The following RIMS2 variants were observed in gnomAD, a reference collection of about 807,000 sequenced individuals.
RIMS2 encodes the protein regulating synaptic membrane exocytosis 2.
A neutral mutation model predicts 174.4 loss-of-function variants in RIMS2; 59 were observed. The observed-to-expected ratio is 0.34, with a 90% CI of 0.27 to 0.42. The LOEUF is 0.42. RIMS2 is among the 10% of genes least tolerant of loss of function. The pLI is 1.00. For missense variants in RIMS2, 1,620 were observed against 1,666.3 expected (o/e 0.97, Z 0.48); for synonymous variants, 606 against 572.5 (o/e 1.06, Z -0.84).
chr8:104,247,220 A>T (rs2099339038), intron 20 of RIMS2, among the ~76,000 whole-genome samples: 2 of 152,314 alleles, frequency 1.3e-5, no homozygotes, highest in South Asian at 4.1e-4. Flanking sequence ...GGCTACCATA[A>T]TAAAATACCA....
rs979235028 is a variant in RIMS2 at position 103,808,824 on chromosome 8, G to A, written c.698+42287G>A. ...ATCCAGGCCAACTAAAATCTTGCCTGGACTATTACATTAGCTTTCTAAATG... is the reference window on the plus strand; with the variant it reads ...ATCCAGGCCAACTAAAATCTTGCCTAGACTATTACATTAGCTTTCTAAATG... On this transcript the variant is annotated intron_variant, in intron 3 of 23. Transcript: ENST00000504942. Among the ~76,000 whole-genome samples the A allele has an allele frequency of 3.3e-5, 5 of 152,064 alleles. No individual in the cohort carries two copies. In the South Asian group the frequency reaches 6.2e-4, roughly 19 times the overall value.
At chr8:104,029,196 GC>G (rs568696771) in intron 19 of RIMS2, among the ~76,000 whole-genome samples, 57 of 152,232 alleles carry the variant, frequency 3.7e-4, no homozygotes, top group African/African-American at 1.3e-3. Context: ...CACTCTCGTT[GC>G]CATCTTGGTT....
intron 3 of RIMS2, among the ~76,000 whole-genome samples, chr8:103,843,995 A>C (rs920090133): frequency 1.3e-5 from 2 of 152,172 alleles, no homozygotes; most frequent in African/African-American, 4.8e-5. Context: ...ATAGCAAATA[A>C]GTCTCACGAG....
At chr8:104,116,289 G>A (rs749523460) in intron 19 of RIMS2, among the ~76,000 whole-genome samples, 3 of 152,068 alleles carry the variant, frequency 2.0e-5, no homozygotes, top group Non-Finnish European at 4.4e-5. Flanking sequence ...TATAAATTGT[G>A]TAGAATACTA....
At chr8:103,849,226 C>G (rs907532217) in intron 3 of RIMS2, among the ~76,000 whole-genome samples, 3 of 152,166 alleles carry the variant, frequency 2.0e-5, no homozygotes, top group Middle Eastern at 6.8e-3. Flanking sequence ...GTGTTCATTT[C>G]TAGTTGGCCA....
intron 17 of RIMS2, among the ~76,000 whole-genome samples, chr8:104,006,405 C>T (rs1379532282): frequency 3.9e-5 from 6 of 151,954 alleles, no homozygotes; most frequent in Non-Finnish European, 7.4e-5. Flanking sequence ...ACAAAATTAG[C>T]CGGGCGTGGT....
intron 1 of RIMS2, among the ~76,000 whole-genome samples, chr8:103,690,576 A>C (rs1346884082): frequency 6.6e-6 from 1 of 152,190 alleles, no homozygotes; most frequent in African/African-American, 2.4e-5. Flanking sequence ...CAAAAACAAA[A>C]CTAATAAAAA....
intron 1 of RIMS2, among the ~76,000 whole-genome samples, chr8:103,682,689 T>G (rs188267447): frequency 6.6e-6 from 1 of 152,292 alleles, no homozygotes; most frequent in South Asian, 2.1e-4. Flanking sequence ...TCTCATTTTA[T>G]AGGCCTGGTA....
intron 1 of RIMS2, among the ~76,000 whole-genome samples, chr8:103,573,652 TC>T (rs2132459498): frequency 6.6e-6 from 1 of 152,278 alleles, no homozygotes; most frequent in East Asian, 1.9e-4. Flanking sequence ...ATGTGATACC[TC>T]CCACTTTGTT....
chr8:104,159,787 G>A (rs532935677), intron 19 of RIMS2, among the ~76,000 whole-genome samples: 1 of 152,110 alleles, frequency 6.6e-6, no homozygotes, highest in African/African-American at 2.4e-5. Context: ...GGGGGTTTTT[G>A]TTGAGTTAAA....
intron 19 of RIMS2, among the ~76,000 whole-genome samples, chr8:104,104,098 T>C (rs952157327): frequency 2.4e-4 from 37 of 152,146 alleles, no homozygotes; most frequent in African/African-American, 8.0e-4. Flanking sequence ...AATAGATAAG[T>C]TATTAGATAA....
At position 104,199,337 on chromosome 8, in the gene RIMS2, C is replaced by T. The variant is rs555205748; in HGVS notation, c.3335-45579C>T. ...TCGGCCTCCCAAAGTGCTGGGATTA[C>T]AGGCATGAGCCACCACGCCCGGCCT... On this transcript the variant is annotated intron_variant, in intron 19 of 23. Transcript: ENST00000504942. Among the ~76,000 whole-genome samples the T allele has an allele frequency of 2.0e-5, 3 of 152,270 alleles. No homozygotes were observed. In the East Asian group the frequency reaches 5.8e-4, roughly 29 times the overall value.
At chr8:103,581,868 C>T (rs141154640) in intron 1 of RIMS2, among the ~76,000 whole-genome samples, 1 of 152,150 alleles carries the variant, frequency 6.6e-6, no homozygotes, top group South Asian at 2.1e-4. Flanking sequence ...GACTGCAACT[C>T]TAAGGCAAGT....
intron 2 of RIMS2, among the ~76,000 whole-genome samples, chr8:103,749,862 C>T (rs1234802941): frequency 6.6e-6 from 1 of 151,938 alleles, no homozygotes; most frequent in African/African-American, 2.4e-5. Flanking sequence ...GAAGTGGTTT[C>T]CAAAGTAAAT....
intron 1 of RIMS2, among the ~76,000 whole-genome samples, chr8:103,684,081 A>G (rs1183253955): frequency 6.6e-6 from 1 of 152,152 alleles, no homozygotes; most frequent in Non-Finnish European, 1.5e-5. Flanking sequence ...GGTTTTATGA[A>G]CTATAGTTTA....
intron 19 of RIMS2, among the ~76,000 whole-genome samples, chr8:104,159,967 C>T (rs989400933): frequency 1.3e-5 from 2 of 151,836 alleles, no homozygotes; most frequent in African/African-American, 2.4e-5. Context: ...GGTGAAACCC[C>T]GTCTCTACTA....
At chr8:103,789,421 C>G (rs1282078599) in intron 3 of RIMS2, among the ~76,000 whole-genome samples, 1 of 152,050 alleles carries the variant, frequency 6.6e-6, no homozygotes, top group Non-Finnish European at 1.5e-5. Context: ...CACCTAGGGC[C>G]TGATAAAATT....
rs1484309750 is a variant in RIMS2, at chr8:103,792,635, TG to T, written c.698+26100del. 6.2e-5 allele frequency among the ~76,000 whole-genome samples: 5 copies of T among 80,074 alleles called. No homozygotes were observed. In the Admixed American group the frequency reaches 6.2e-4, roughly 10 times the overall value. The allele number at this position is 80,074 out of a possible 152,430, so 52.5% of individuals were successfully genotyped here. A position where few individuals can be genotyped will look rare whatever the true frequency, so the allele number is the denominator to read the frequency against. ...TCAAAAAATCAGTGAATCCAGGAGC[TG>T]GTTTTTTTTTTTTTTTTTTAAAGAT... On this transcript the variant is annotated intron_variant, in intron 3 of 23. Transcript: ENST00000504942.
intron 17 of RIMS2, among the ~76,000 whole-genome samples, chr8:104,003,045 C>G (rs2095446542): frequency 6.6e-6 from 1 of 151,820 alleles, no homozygotes; most frequent in Non-Finnish European, 1.5e-5. Context: ...TAAAATATAC[C>G]CTTTATTTTA....
Sources: allele counts gnomAD v4.1 joint callset (sites outside exome capture counted in the v4.1 genomes callset), GRCh38; gene constraint gnomAD v4.1.1; transcripts MANE v1.5; gene names NCBI Gene and HGNC (gene_info 2026-07-23, HGNC 2026-07-21).